Variants in CDH13 observed in about 807,000 individuals in gnomAD.
CDH13 encodes the protein cadherin 13.
In CDH13, 24 loss-of-function variants were observed where a neutral mutation model predicts 63.8. The ratio of observed to expected loss-of-function variants is 0.38; its 90% CI spans 0.27 to 0.53. The LOEUF (loss-of-function observed/expected upper bound fraction) is 0.53. CDH13 is among the 20% of genes least tolerant of loss of function. CDH13 has a pLI of 0.85. For synonymous variants in CDH13, 503 were observed against 355.3 expected, an observed-to-expected ratio of 1.42 and a Z score of -4.67; for missense variants, 1,049 against 903.1, an observed-to-expected ratio of 1.16 and a Z score of -2.07.
At chr16:83,064,319 AGATGG>A (rs2031826220) in intron 3 of CDH13, among the ~76,000 whole-genome samples, 1 of 151,834 alleles carries the variant, frequency 6.6e-6, no homozygotes, top group Admixed American at 6.6e-5. Flanking sequence ...CAGTGAGCTG[AGATGG>A]TGCCATTGCA....
chr16:83,760,824 G>T (rs1216020568), intron 11 of CDH13, among the ~76,000 whole-genome samples: 1 of 152,188 alleles, frequency 6.6e-6, no homozygotes, highest in Non-Finnish European at 1.5e-5. Flanking sequence ...AGCTAGTCCT[G>T]TAACCATTCA....
At chr16:83,462,419 C>T (rs1393859214) in intron 6 of CDH13, among the ~76,000 whole-genome samples, 2 of 152,196 alleles carry the variant, frequency 1.3e-5, no homozygotes, top group African/African-American at 4.8e-5. Flanking sequence ...AAACAAGGGT[C>T]AGGGACAGCT....
intron 1 of CDH13, among the ~76,000 whole-genome samples, 200 bp downstream of exon 1, chr16:82,627,337 C>CGTGT (rs71146081): frequency 0.026 from 3,434 of 131,198 alleles, 60 homozygotes; most frequent in Middle Eastern, 0.048. Flanking sequence ...CTCTGGCGTG[C>CGTGT]GTGTGTGTGT....
chr16:82,869,399 G>T (rs549947624), intron 2 of CDH13, among the ~76,000 whole-genome samples: 1 of 151,578 alleles, frequency 6.6e-6, no homozygotes, highest in African/African-American at 2.4e-5. Flanking sequence ...TGAGAAGTGC[G>T]GAAGGGGTAG....
chr16:83,691,165 C>T (rs1904840901), intron 10 of CDH13, among the ~76,000 whole-genome samples: 1 of 151,672 alleles, frequency 6.6e-6, no homozygotes, highest in Non-Finnish European at 1.5e-5. Context: ...AGATTTTTGT[C>T]CCAAACAAAT....
Position 82,744,746 on chromosome 16 carries a change from C to T in CDH13, c.46-113616C>T, listed in dbSNP as rs558259118. ...TTCTATACACATGATCGCATTTAAG[C>T]TCCACCACCTATTTCGAGGGCTGGA... On this transcript the variant is annotated intron_variant, in intron 1 of 13. Transcript: ENST00000567109. Among the ~76,000 whole-genome samples, 27 of 152,266 alleles carry T rather than the reference C, an allele frequency of 1.8e-4. No homozygotes were observed. In the South Asian group the frequency reaches 3.1e-3, roughly 18 times the overall value.
chr16:83,278,423 G>A (rs933236600), intron 5 of CDH13, among the ~76,000 whole-genome samples: 1 of 152,200 alleles, frequency 6.6e-6, no homozygotes, highest in African/African-American at 2.4e-5. Context: ...CAGTATTGTG[G>A]TAAAGGTTTA....
intron 2 of CDH13, among the ~76,000 whole-genome samples, chr16:82,965,059 A>C (rs1907612021): frequency 6.6e-6 from 1 of 152,214 alleles, no homozygotes; most frequent in African/African-American, 2.4e-5. Context: ...ACTTCAAAGT[A>C]AATAAAAAGT....
At chr16:83,243,105 C>G (rs1904630488) in intron 5 of CDH13, among the ~76,000 whole-genome samples, 1 of 152,180 alleles carries the variant, frequency 6.6e-6, no homozygotes, top group South Asian at 2.1e-4. Flanking sequence ...CCACTTGACT[C>G]CAGTGTCCAG....
At chr16:83,078,220 C>A (rs916056025) in intron 3 of CDH13, among the ~76,000 whole-genome samples, 6 of 152,088 alleles carry the variant, frequency 3.9e-5, no homozygotes, top group African/African-American at 1.4e-4. Flanking sequence ...GATTTTCCTC[C>A]CTTAATTTCC....
Position 83,217,634 on chromosome 16 carries a change from T to C in CDH13, c.636+137T>C, listed in dbSNP as rs193114194. The stretch of plus-strand genomic sequence containing the variant: ...GGCTTTAGGGTGTTTCTGTGGGAGC[T>C]GAAGTGGATGGAATTGAACCCTGAC... On this transcript the variant is annotated intron_variant, in intron 5 of 13. Coordinates refer to ENST00000567109, the MANE Select transcript of CDH13 (RefSeq NM_001257.5). 5.2e-4 allele frequency: 441 copies of C among 845,036 alleles called. 1 individual carries two copies. In the African/African-American group the frequency reaches 6.8e-3, roughly 13 times the overall value. 52.3% of individuals were successfully genotyped at this position (845,036 alleles called of 1,614,324 possible).
At chr16:82,959,963 T>C (rs11643566) in intron 2 of CDH13, among the ~76,000 whole-genome samples, 2 of 152,242 alleles carry the variant, frequency 1.3e-5, no homozygotes, top group South Asian at 2.1e-4. Context: ...GCATGTGTTG[T>C]TTTATTTTTT....
chr16:82,916,628 C>G (rs1273088314), intron 2 of CDH13, among the ~76,000 whole-genome samples: 1 of 151,768 alleles, frequency 6.6e-6, no homozygotes, highest in South Asian at 2.1e-4. Flanking sequence ...TGATAAATGC[C>G]ATGATAGATA....
intron 7 of CDH13, among the ~76,000 whole-genome samples, chr16:83,531,196 C>G (rs1166166883): frequency 6.6e-6 from 1 of 152,218 alleles, no homozygotes; most frequent in Admixed American, 6.5e-5. Context: ...CAGGTGATAT[C>G]TGTAATCTTG....
intron 5 of CDH13, among the ~76,000 whole-genome samples, chr16:83,300,553 A>G (rs1597697989): frequency 6.6e-6 from 1 of 152,360 alleles, no homozygotes; most frequent in East Asian, 1.9e-4. Context: ...CAACAAACGT[A>G]TACAAACAAA....
chr16:83,720,422 C>G (rs1909536979), intron 10 of CDH13, among the ~76,000 whole-genome samples: 1 of 152,174 alleles, frequency 6.6e-6, no homozygotes, highest in Admixed American at 6.5e-5. Flanking sequence ...TGAGCACCTA[C>G]TGCATACCAG....
chr16:82,785,887 G>T (rs1049235896), intron 1 of CDH13, among the ~76,000 whole-genome samples: 1 of 152,194 alleles, frequency 6.6e-6, no homozygotes, highest in South Asian at 2.1e-4. Flanking sequence ...TGGAACTATG[G>T]TGAGCCCACA....
chr16:83,440,063 A>ACT (rs1486639698), intron 6 of CDH13, among the ~76,000 whole-genome samples: 26 of 152,220 alleles, frequency 1.7e-4, no homozygotes, highest in Non-Finnish European at 3.1e-4. Context: ...TTCATTTTAA[A>ACT]TGACATCTGA....
At chr16:83,301,146 C>G (rs1390178245) in intron 5 of CDH13, among the ~76,000 whole-genome samples, 2 of 149,566 alleles carry the variant, frequency 1.3e-5, no homozygotes, top group African/African-American at 5.0e-5. Context: ...ATTCTCCTGC[C>G]TCAGCCTCCC....
Sources: gnomAD v4.1 joint callset for allele counts (sites outside exome capture counted in the v4.1 genomes callset) on GRCh38, gnomAD v4.1.1 for gene constraint, MANE v1.5 for transcripts, NCBI Gene and HGNC (gene_info 2026-07-23, HGNC 2026-07-21) for gene names.